Variants in TMEM30A observed in about 807,000 individuals in gnomAD.
TMEM30A encodes the protein cell cycle control protein 50A.
Under a neutral mutation model 38.2 loss-of-function variants are expected in TMEM30A, and 24 were observed. The ratio of observed to expected loss-of-function variants is 0.63; its 90% CI spans 0.46 to 0.88. The LOEUF (loss-of-function observed/expected upper bound fraction) is 0.88. Among genes scored for constraint, TMEM30A ranks in the 40% least tolerant of loss-of-function variants. The pLI is 0.00. For missense variants in TMEM30A, 370 were observed against 458.6 expected (o/e 0.81, Z 1.77); for synonymous variants, 145 against 161.6 (o/e 0.90, Z 0.78).
intron 1 of TMEM30A, among the ~76,000 whole-genome samples, chr6:75,269,365 T>C (rs867295605): frequency 3.5e-4 from 54 of 152,244 alleles, no homozygotes; most frequent in African/African-American, 1.3e-3. Context: ...AGTTTTGTAC[T>C]TTCCAGAATG....
rs755969198 is a variant in TMEM30A at position 75,256,117 on chromosome 6, A to G, written c.1071T>C (p.Ala357=). Residue 357 remains alanine (A), a synonymous_variant, in exon 7 of 7, where the codon GCT becomes GCC. Transcript: ENST00000230461. ...TAATATAAAATTAAATGGTAATGTC[A>G]GCTGTATTACTACTGTTTCTATATT... The part of the protein sequence containing the change: ...NHKYRNSSNT[A]DITI The G allele has an allele frequency of 6.2e-7, 1 of 1,606,328 alleles. No homozygotes were observed. Among genetic ancestry groups the G allele is most frequent in the South Asian group, 1.1e-5 (1 of 90,428 alleles).
Position 75,269,402 on chromosome 6 carries a change from C to A in TMEM30A, c.238-1654G>T, listed in dbSNP as rs1772128284. Among the ~76,000 whole-genome samples, 3 of 152,152 alleles carry A rather than the reference C, an allele frequency of 2.0e-5. No homozygotes were observed. In the South Asian group the frequency reaches 6.2e-4, roughly 31 times the overall value. ...TATATATGAAATCATACCATATGTA[C>A]CCTTTTCAGATTGGTTTCTTTCACT... On this transcript the variant is annotated intron_variant, in intron 1 of 6. Transcript: ENST00000230461.
rs1036090693 is a variant in TMEM30A, at chr6:75,259,068, T to C, written c.686-82A>G. ...TGGCGGAGAAACGAATAAATTTGGATAATAAATAGGGGTTTATTCAAAAGA... is the reference window on the plus strand; with the variant it reads ...TGGCGGAGAAACGAATAAATTTGGACAATAAATAGGGGTTTATTCAAAAGA... On this transcript the variant is annotated intron_variant, in intron 5 of 6. Transcript: ENST00000230461. 12 of 1,203,128 alleles carry C rather than the reference T, an allele frequency of 1.0e-5. No individual in the cohort carries two copies. The South Asian group carries it at 1.5e-4, about 15-fold the overall frequency. 74.5% of individuals were successfully genotyped at this position (1,203,128 alleles called of 1,614,324 possible).
chr6:75,265,272 G>A lies in TMEM30A; in HGVS notation c.412C>T (p.Arg138Ter), dbSNP rs377408806. Residue 138 changes from arginine (R) to a stop codon, truncating the protein, a stop_gained, in exon 3 of 7, where the codon CGA becomes TGA. Transcript: ENST00000230461. LOFTEE classifies it high-confidence loss of function. ...TCTCCATTTAGTTGACTATCATCTC[G>A]AGATTTCACGTAACGACGATGGTTT... ...YQNHRRYVKS[R>*]DDSQLNGDSS... 4 of 1,611,116 alleles carry A rather than the reference G, an allele frequency of 2.5e-6. No homozygotes were observed. Among genetic ancestry groups the A allele is most frequent in the African/African-American group, 2.7e-5 (2 of 74,758 alleles).
chr6:75,265,700 G>A (rs1292824285), intron 2 of TMEM30A, among the ~76,000 whole-genome samples: 1 of 136,760 alleles, frequency 7.3e-6, no homozygotes, highest in African/African-American at 2.7e-5. Context: ...ACTTTTCACA[G>A]GGATAATGGT....
chr6:75,280,554 G>A (rs910733358), intron 1 of TMEM30A, among the ~76,000 whole-genome samples: 3 of 152,080 alleles, frequency 2.0e-5, no homozygotes, highest in African/African-American at 4.8e-5. Flanking sequence ...TCATAATTGG[G>A]ATTCAAAGTT....
In TMEM30A at chr6:75,260,863, T is replaced by A. The variant is rs369555739; in HGVS notation, c.502A>T (p.Ile168Phe). Residue 168 changes from isoleucine (I) to phenylalanine (F), a missense_variant, in exon 4 of 7, where the codon ATT becomes TTT. Ile to Phe is a conservative substitution (Grantham distance 21). Transcript: ENST00000230461. ...TTGGCAATAGCTCCACAAGGAGCAATTGGTTTGTCTTCATTTCTTCGATAA... is the reference window on the plus strand; with the variant it reads ...TTGGCAATAGCTCCACAAGGAGCAAATGGTTTGTCTTCATTTCTTCGATAA... Reference protein sequence around the residue: ...EPYRRNEDKPIAPCGAIANSM... With the variant: ...EPYRRNEDKPFAPCGAIANSM... 1.2e-6 allele frequency: 2 copies of A among 1,602,776 alleles called. No individual in the cohort carries two copies. Among genetic ancestry groups the A allele is most frequent in the Non-Finnish European group, 1.7e-6 (2 of 1,177,460 alleles).
intron 1 of TMEM30A, among the ~76,000 whole-genome samples, chr6:75,282,263 C>T (rs1291883962): frequency 6.6e-6 from 1 of 152,164 alleles, no homozygotes; most frequent in Non-Finnish European, 1.5e-5. Flanking sequence ...CTTCAGTGCC[C>T]TTTTAACCAG....
intron 1 of TMEM30A, among the ~76,000 whole-genome samples, chr6:75,273,485 A>T (rs1389616802): frequency 2.1e-5 from 2 of 95,208 alleles, no homozygotes; most frequent in East Asian, 2.6e-4. Flanking sequence ...TATTTTTATT[A>T]AAAAAAAAAA....
intron 2 of TMEM30A, among the ~76,000 whole-genome samples, chr6:75,265,722 CT>C (rs11302534): frequency 0.92 from 139,414 of 151,618 alleles, 64,270 homozygotes; most frequent in East Asian, 0.98. Context: ...AAACTTGTTT[CT>C]TTTTTTTTTC....
intron 6 of TMEM30A, among the ~76,000 whole-genome samples, chr6:75,256,497 G>C (rs1303023235): frequency 1.3e-5 from 2 of 151,990 alleles, no homozygotes; most frequent in Non-Finnish European, 2.9e-5. Context: ...AATGTTAGTA[G>C]TAAAAGCCAA....
intron 1 of TMEM30A, among the ~76,000 whole-genome samples, chr6:75,281,390 T>C (rs1319020159): frequency 6.6e-6 from 1 of 152,138 alleles, no homozygotes; most frequent in Non-Finnish European, 1.5e-5. Flanking sequence ...TAAATGAAGA[T>C]ATTAAATATT....
Position 75,284,717 on chromosome 6 carries a change from C to G in TMEM30A, c.-79G>C, listed in dbSNP as rs1772436066. ...CCGGCTGACCCTGACAGGAACCGCT[C>G]GAGCGCCGCTGCCGCCGCCGCCGCC... On this transcript the variant is annotated 5_prime_UTR_variant, in exon 1 of 7. Transcript: ENST00000230461. The G allele has an allele frequency of 2.0e-6, 3 of 1,480,572 alleles. No individual in the cohort carries two copies. The highest frequency in any genetic ancestry group is 1.7e-5 in the Admixed American group (1 of 59,002). The allele number at this position is 1,480,572 out of a possible 1,614,324, so 91.7% of individuals were successfully genotyped here. A position where few individuals can be genotyped will look rare whatever the true frequency, so the allele number is the denominator to read the frequency against.
At chr6:75,275,480 T>C (rs538424034) in intron 1 of TMEM30A, among the ~76,000 whole-genome samples, 1 of 152,274 alleles carries the variant, frequency 6.6e-6, no homozygotes, top group African/African-American at 2.4e-5. Flanking sequence ...CCACATCCTC[T>C]TACTAGCATA....
At chr6:75,275,018 A>G (rs1487809331) in intron 1 of TMEM30A, among the ~76,000 whole-genome samples, 1 of 151,810 alleles carries the variant, frequency 6.6e-6, no homozygotes, top group Non-Finnish European at 1.5e-5. Context: ...CTCAAAAAAA[A>G]AAAAAAAAAG....
chr6:75,258,655 A>C, intron 6 of TMEM30A, 125 bp downstream of exon 6: 3 of 765,940 alleles, frequency 3.9e-6, no homozygotes, highest in Non-Finnish European at 6.3e-6. Flanking sequence ...TATACCACAC[A>C]TACTTTTGTA....
intron 1 of TMEM30A, among the ~76,000 whole-genome samples, chr6:75,283,561 A>G (rs907856359): frequency 6.6e-6 from 1 of 152,130 alleles, no homozygotes; most frequent in East Asian, 1.9e-4. Context: ...TTTTCCTGTC[A>G]TGTCTTACAC....
chr6:75,274,472 G>A (rs976615478), intron 1 of TMEM30A, among the ~76,000 whole-genome samples: 3 of 152,222 alleles, frequency 2.0e-5, no homozygotes, highest in African/African-American at 7.2e-5. Flanking sequence ...AGATTAAAGA[G>A]AATGCCAGAC....
chr6:75,281,166 CCTAAT>C (rs1427462498), intron 1 of TMEM30A, among the ~76,000 whole-genome samples: 1 of 152,036 alleles, frequency 6.6e-6, no homozygotes, highest in African/African-American at 2.4e-5. Context: ...TGAATAACAA[CCTAAT>C]CTGACTTAAA....
Sources: gnomAD v4.1 joint callset for allele counts (sites outside exome capture counted in the v4.1 genomes callset) on GRCh38, gnomAD v4.1.1 for gene constraint, MANE v1.5 for transcripts, NCBI Gene and HGNC (gene_info 2026-07-23, HGNC 2026-07-21) for gene names.